Variants in FBXL17 observed in about 807,000 individuals in gnomAD.
FBXL17 encodes F-box/LRR-repeat protein 17.
FBXL17 carries 22 observed loss-of-function variants against 66.2 expected under a neutral mutation model. The observed-to-expected ratio is 0.33, with a 90% CI of 0.24 to 0.47. The LOEUF (loss-of-function observed/expected upper bound fraction) is 0.47. Among genes scored for constraint, FBXL17 ranks in the 20% least tolerant of loss-of-function variants. The pLI is 1.00. For synonymous variants in FBXL17, 474 were observed against 400.5 expected (o/e 1.18, Z -2.19); for missense variants, 878 against 948.2 (o/e 0.93, Z 0.97).
At chr5:108,348,589 G>A (rs550929689) in intron 3 of FBXL17, 59 bp from the exon 4 acceptor site, 275 of 1,540,352 alleles carry the variant, frequency 1.8e-4, no homozygotes, top group Non-Finnish European at 2.4e-4. Context: ...CATATTTCAA[G>A]TGAGATTTTC....
At chr5:108,043,295 T>C (rs553676055) in intron 6 of FBXL17, among the ~76,000 whole-genome samples, 1 of 152,170 alleles carries the variant, frequency 6.6e-6, no homozygotes, top group South Asian at 2.1e-4. Context: ...AGAAATTACA[T>C]GCCTAGCCCT....
At chr5:108,289,363 T>C (rs1180197427) in intron 4 of FBXL17, among the ~76,000 whole-genome samples, 1 of 152,172 alleles carries the variant, frequency 6.6e-6, no homozygotes, top group African/African-American at 2.4e-5. Context: ...TTTGTTCTAA[T>C]ATTTGGTGTT....
chr5:108,031,375 C>A (rs1746632583), intron 6 of FBXL17, among the ~76,000 whole-genome samples: 1 of 151,980 alleles, frequency 6.6e-6, no homozygotes, highest in South Asian at 2.1e-4. Flanking sequence ...CTGGGATATA[C>A]CCATCCTGAA....
At chr5:108,096,643 C>A (rs929664490) in intron 6 of FBXL17, among the ~76,000 whole-genome samples, 3 of 152,078 alleles carry the variant, frequency 2.0e-5, no homozygotes, top group Non-Finnish European at 4.4e-5. Context: ...ATTAAGCAGA[C>A]AAAAACAATA....
chr5:108,072,129 C>T (rs139991138), intron 6 of FBXL17, among the ~76,000 whole-genome samples: 1 of 152,228 alleles, frequency 6.6e-6, no homozygotes. Context: ...ATTCTGAGCA[C>T]TGATCTTTGC....
intron 6 of FBXL17, among the ~76,000 whole-genome samples, chr5:108,058,803 G>A (rs539997026): frequency 2.6e-5 from 4 of 152,134 alleles, no homozygotes; most frequent in Admixed American, 2.0e-4. Context: ...AATGCCTTGA[G>A]GTACTTCTAC....
chr5:108,162,034 T>C (rs1354900609), intron 6 of FBXL17, among the ~76,000 whole-genome samples: 3 of 152,236 alleles, frequency 2.0e-5, no homozygotes, highest in Non-Finnish European at 4.4e-5. Context: ...AAACGTAAAG[T>C]GGCAAAAGCA....
intron 6 of FBXL17, among the ~76,000 whole-genome samples, chr5:108,136,761 G>C (rs1048346676): frequency 6.6e-6 from 1 of 152,126 alleles, no homozygotes; most frequent in Non-Finnish European, 1.5e-5. Flanking sequence ...CTATTATAAG[G>C]AATGTGGTCT....
chr5:108,126,980 C>A (rs1204138213), intron 6 of FBXL17, among the ~76,000 whole-genome samples: 1 of 151,950 alleles, frequency 6.6e-6, no homozygotes, highest in Non-Finnish European at 1.5e-5. Context: ...TTTAAAGTCA[C>A]CAGAAACCCT....
At chr5:108,276,190 C>T (rs939850995) in intron 4 of FBXL17, among the ~76,000 whole-genome samples, 4 of 152,282 alleles carry the variant, frequency 2.6e-5, no homozygotes, top group South Asian at 4.1e-4. Context: ...CACTCCTTCA[C>T]TGTACTACAG....
intron 7 of FBXL17, among the ~76,000 whole-genome samples, chr5:107,994,841 A>G (rs75049966): frequency 2.0e-5 from 3 of 152,152 alleles, no homozygotes; most frequent in Non-Finnish European, 4.4e-5. Flanking sequence ...CTCCATCTCA[A>G]AAAACAAAAA....
At chr5:108,175,784 T>C (rs73778673) in intron 6 of FBXL17, among the ~76,000 whole-genome samples, 1 of 152,166 alleles carries the variant, frequency 6.6e-6, no homozygotes, top group Non-Finnish European at 1.5e-5. Context: ...TGGTTAAGCA[T>C]GTGTGTACCT....
rs922878779 is a variant in FBXL17 at position 108,008,512 on chromosome 5, T to C, written c.1822+12413A>G. Among the ~76,000 whole-genome samples the C allele has an allele frequency of 5.9e-5, 9 of 152,226 alleles. No individual in the cohort carries two copies. The East Asian group carries it at 9.6e-4, about 16-fold the overall frequency. ...TAGGGCAGAAATTTTAAGTTCCTTA[T>C]TGCTGTTCAACATTGGCAGCTTAAA... On this transcript the variant is annotated intron_variant, in intron 7 of 8. Transcript: ENST00000542267.
At chr5:108,158,718 G>A (rs1236348169) in intron 6 of FBXL17, among the ~76,000 whole-genome samples, 2 of 152,118 alleles carry the variant, frequency 1.3e-5, no homozygotes, top group Non-Finnish European at 2.9e-5. Flanking sequence ...GATTTCTAGA[G>A]AATCAGGATA....
intron 7 of FBXL17, among the ~76,000 whole-genome samples, chr5:108,010,075 T>C (rs754960009): frequency 3.9e-5 from 6 of 152,216 alleles, no homozygotes; most frequent in Non-Finnish European, 8.8e-5. Flanking sequence ...CTTCTGGTCA[T>C]TGTGTTAAGT....
At chr5:108,212,874 G>C (rs1754437476) in intron 5 of FBXL17, among the ~76,000 whole-genome samples, 1 of 152,216 alleles carries the variant, frequency 6.6e-6, no homozygotes, top group African/African-American at 2.4e-5. Flanking sequence ...TTTCAGAGCT[G>C]TCAGGCAGGA....
At chr5:108,270,667 C>T (rs951763521) in intron 4 of FBXL17, among the ~76,000 whole-genome samples, 4 of 151,672 alleles carry the variant, frequency 2.6e-5, no homozygotes, top group East Asian at 1.9e-4. Context: ...GTTTCAAGTA[C>T]GTTAACAGTT....
intron 4 of FBXL17, among the ~76,000 whole-genome samples, chr5:108,248,630 A>G (rs1300928620): frequency 6.6e-6 from 1 of 152,158 alleles, no homozygotes; most frequent in Non-Finnish European, 1.5e-5. Flanking sequence ...GAAAAACCCA[A>G]AGAAATACAT....
chr5:107,933,958 C>T (rs1019480311), intron 7 of FBXL17, among the ~76,000 whole-genome samples: 1 of 152,068 alleles, frequency 6.6e-6, no homozygotes, highest in Non-Finnish European at 1.5e-5. Context: ...AGCGAGATGA[C>T]CATTGTGGCT....
Sources: allele counts gnomAD v4.1 joint callset (sites outside exome capture counted in the v4.1 genomes callset), GRCh38; gene constraint gnomAD v4.1.1; transcripts MANE v1.5; gene names NCBI Gene and HGNC (gene_info 2026-07-23, HGNC 2026-07-21).